Variants in NEMF observed in about 807,000 individuals in gnomAD.
NEMF encodes the protein ribosome quality control complex subunit NEMF.
Under a neutral mutation model 162.2 loss-of-function variants are expected in NEMF, and 89 were observed. That is an observed-to-expected ratio of 0.55 (90% confidence interval 0.46 to 0.65). The LOEUF (loss-of-function observed/expected upper bound fraction) is 0.65. NEMF is among the 30% of genes least tolerant of loss of function. The probability of loss-of-function intolerance (pLI) is 0.00; values close to 1 mark genes in which losing one functional copy is unlikely to be tolerated. For synonymous variants in NEMF, 421 were observed against 404.5 expected, an observed-to-expected ratio of 1.04 and a Z score of -0.49; for missense variants, 1,133 against 1,261.9, an observed-to-expected ratio of 0.90 and a Z score of 1.55.
Position 49,784,709 on chromosome 14 carries a change from G to A in NEMF, c.3158C>T (p.Thr1053Ile), listed in dbSNP as rs1265506198. Residue 1053 changes from threonine (T) to isoleucine (I), a missense_variant, in exon 33 of 33, where the codon ACA (threonine) becomes ATA (isoleucine). Physicochemically the swap from Thr to Ile is moderately conservative, Grantham distance 89. Transcript: ENST00000298310. ...EKDLFRSVKD[T>I]DLSRNIPGKV... Reference sequence around the variant, plus strand: ...GCCAGGAATGTTTCTTGATAAATCTGTGTCCTAAAAAAAGAAAATTGCTGA... The same window carrying A: ...GCCAGGAATGTTTCTTGATAAATCTATGTCCTAAAAAAAGAAAATTGCTGA... 6.2e-7 allele frequency: 1 copy of A among 1,612,068 alleles called. No individual in the cohort carries two copies. The highest frequency in any genetic ancestry group is 2.2e-5 in the East Asian group (1 of 44,812).
At chr14:49,851,242 A>C (rs966811803) in intron 3 of NEMF, among the ~76,000 whole-genome samples, 30 of 152,206 alleles carry the variant, frequency 2.0e-4, no homozygotes, top group Admixed American at 1.6e-3. Flanking sequence ...AAACAAAAAA[A>C]TTAACGTTGG....
At chr14:49,847,706 CTTTTTTTTTTTTTTTTT>C (rs79188374) in intron 3 of NEMF, among the ~76,000 whole-genome samples, 1 of 138,006 alleles carries the variant, frequency 7.2e-6, no homozygotes. Flanking sequence ...CCTACCAATT[CTTTTTTTTTTTTTTTTT>C]TTTTTTTTTT....
At position 49,782,865 on chromosome 14, in the gene NEMF, T is replaced by C; in HGVS notation, c.*1771A>G. On this transcript the variant is annotated 3_prime_UTR_variant, in exon 33 of 33. Transcript: ENST00000298310. ...GAAGCAGTCATTTGCTTTAAAGAAA[T>C]GTTAGCCAACTCATGGAACTGCCTT... 1 of 1,613,916 alleles carries C rather than the reference T, an allele frequency of 6.2e-7. No homozygotes were observed. Among genetic ancestry groups the C allele is most frequent in the Non-Finnish European group, 8.5e-7 (1 of 1,179,868 alleles).
Position 49,846,256 on chromosome 14 carries a change from G to A in NEMF, c.241C>T (p.His81Tyr), listed in dbSNP as rs745616261. The A allele has an allele frequency of 2.4e-5, 39 of 1,611,160 alleles. No individual in the cohort carries two copies. Among genetic ancestry groups the A allele is most frequent in the Non-Finnish European group, 3.2e-5 (38 of 1,179,370 alleles). The stretch of plus-strand genomic sequence containing the variant: ...CTGACTAATCTCCGACTCTTCAAAT[G>A]TTTTCGGCACTAGCAAGAGAAAGAA... ...PSSFAMKCRK[H>Y]LKSRRLVSAK... Residue 81 changes from histidine to tyrosine, a missense_variant, in exon 4 of 33, where the codon CAT becomes TAT. Coordinates refer to ENST00000298310, the MANE Select transcript of NEMF (RefSeq NM_004713.6).
chr14:49,787,030 G>A lies in NEMF; in HGVS notation c.2896-280C>T, dbSNP rs1304794281. ...GTGGGAACTGAAACTTTCATATAAA[G>A]TATATGTTAAAGCAGCAAAAGTTAC... is the stretch of plus-strand genomic sequence containing the variant. On this transcript the variant is annotated intron_variant, in intron 28 of 32. Coordinates refer to ENST00000298310, the MANE Select transcript of NEMF (RefSeq NM_004713.6). The A allele has an allele frequency of 1.3e-5, 4 of 306,174 alleles. No individual in the cohort carries two copies. The Admixed American group carries it at 1.9e-4, about 14-fold the overall frequency. The allele number at this position is 306,174 out of a possible 1,614,324, so 19.0% of individuals were successfully genotyped here. A position where few individuals can be genotyped will look rare whatever the true frequency, so the allele number is the denominator to read the frequency against.
At chr14:49,816,368 T>C (rs1480114994) in intron 16 of NEMF, among the ~76,000 whole-genome samples, 1 of 152,200 alleles carries the variant, frequency 6.6e-6, no homozygotes, top group African/African-American at 2.4e-5. Context: ...TTATCAGGAG[T>C]TTCTGATTTT....
chr14:49,828,261 C>A (rs922697157), intron 15 of NEMF, 30 bp downstream of exon 15: 1 of 1,487,092 alleles, frequency 6.7e-7, no homozygotes, highest in Non-Finnish European at 9.4e-7. Context: ...GCACAAACAA[C>A]TAACATTCAC....
intron 13 of NEMF, 80 bp downstream of exon 13, chr14:49,828,973 GA>G (rs1213924367): frequency 3.4e-5 from 48 of 1,422,554 alleles, no homozygotes; most frequent in Non-Finnish European, 4.5e-5. Flanking sequence ...AAAATATGAA[GA>G]AAAAATGTTT....
chr14:49,851,799 G>C lies in NEMF; in HGVS notation c.128+8C>G. 6.6e-7 allele frequency: 1 copy of C among 1,518,532 alleles called. No individual in the cohort carries two copies. Among genetic ancestry groups the C allele is most frequent in the Non-Finnish European group, 9.1e-7 (1 of 1,104,470 alleles). The allele number at this position is 1,518,532 out of a possible 1,614,324, so 94.1% of individuals were successfully genotyped here. ...CAAAGAGAAAATAAGCCTATAAAATGTTCTTACTTTTGAAGACGAATAAGG... is the reference window on the plus strand; with the variant it reads ...CAAAGAGAAAATAAGCCTATAAAATCTTCTTACTTTTGAAGACGAATAAGG... On this transcript the variant is annotated splice_region_variant and intron_variant, in intron 2 of 32. Transcript: ENST00000298310.
chr14:49,805,988 T>C (rs1319621587), intron 19 of NEMF, 33 bp downstream of exon 19: 2 of 1,488,984 alleles, frequency 1.3e-6, no homozygotes. Flanking sequence ...TAGCTCTTAG[T>C]AAATTAAGAA....
At chr14:49,828,265 C>T in intron 15 of NEMF, 26 bp downstream of exon 15, 1 of 1,508,476 alleles carries the variant, frequency 6.6e-7, no homozygotes, top group South Asian at 1.1e-5. Context: ...AAACAACTAA[C>T]ATTCACTCTA....
chr14:49,831,673 C>T (rs959642141), intron 10 of NEMF, among the ~76,000 whole-genome samples: 32 of 152,244 alleles, frequency 2.1e-4, no homozygotes, highest in Admixed American at 2.1e-3. Flanking sequence ...CTGACCTCAA[C>T]TGATCTGCCT....
chr14:49,783,170 T>C lies in NEMF; in HGVS notation c.*1466A>G, dbSNP rs1889993513. 5.5e-6 allele frequency: 2 copies of C among 364,250 alleles called. No homozygotes were observed. Among genetic ancestry groups the C allele is most frequent in the Non-Finnish European group, 9.7e-6 (2 of 205,814 alleles). The allele number at this position is 364,250 out of a possible 1,614,324, so 22.6% of individuals were successfully genotyped here. ...GTCCTCTATTAAAGTAAAGTAATGG[T>C]TGGGCTTTTTACCCTGAAGAATGGT... is the stretch of plus-strand genomic sequence containing the variant. On this transcript the variant is annotated 3_prime_UTR_variant, in exon 33 of 33. Transcript: ENST00000298310.
chr14:49,802,348 T>C (rs1890995103), intron 22 of NEMF, 105 bp downstream of exon 22: 3 of 1,332,774 alleles, frequency 2.3e-6, no homozygotes, highest in Admixed American at 5.1e-5. Flanking sequence ...CGGGGTTTTT[T>C]TGAAATTTAG....
At chr14:49,825,051 A>C (rs1892269673) in intron 16 of NEMF, among the ~76,000 whole-genome samples, 1 of 152,244 alleles carries the variant, frequency 6.6e-6, no homozygotes, top group African/African-American at 2.4e-5. Flanking sequence ...AATTAGTGAT[A>C]AGAACAAAAA....
In NEMF at chr14:49,841,340, C is replaced by T. The variant is rs150224561; in HGVS notation, c.358-474G>A. Among the ~76,000 whole-genome samples, 6 of 151,398 alleles carry T rather than the reference C, an allele frequency of 4.0e-5. No homozygotes were observed. The South Asian group carries it at 8.3e-4, about 21-fold the overall frequency. ...CTGTAATCACAGCACTCTGAGAGGC[C>T]GAGGAAGGAGGATCACCTGAGGTCG... is the stretch of plus-strand genomic sequence containing the variant. On this transcript the variant is annotated intron_variant, in intron 4 of 32. Coordinates refer to ENST00000298310, the MANE Select transcript of NEMF (RefSeq NM_004713.6).
intron 26 of NEMF, 39 bp from the exon 27 acceptor site, chr14:49,789,612 G>A: frequency 6.3e-7 from 1 of 1,584,582 alleles, no homozygotes; most frequent in Non-Finnish European, 8.5e-7. Flanking sequence ...ATATTCAGCA[G>A]CAAAAAAATG....
intron 5 of NEMF, among the ~76,000 whole-genome samples, chr14:49,838,783 A>C (rs1428696949): frequency 6.6e-6 from 1 of 151,998 alleles, no homozygotes; most frequent in Non-Finnish European, 1.5e-5. Flanking sequence ...ACGGGGTTTC[A>C]CCGTGTTAGC....
At chr14:49,818,742 G>T (rs560097449) in intron 16 of NEMF, among the ~76,000 whole-genome samples, 1 of 152,142 alleles carries the variant, frequency 6.6e-6, no homozygotes, top group African/African-American at 2.4e-5. Context: ...ATGAATTATG[G>T]ATCCTAAGAC....
Sources: gnomAD v4.1 joint callset for allele counts (sites outside exome capture counted in the v4.1 genomes callset) on GRCh38, gnomAD v4.1.1 for gene constraint, MANE v1.5 for transcripts, NCBI Gene and HGNC (gene_info 2026-07-23, HGNC 2026-07-21) for gene names.